IKBKB: variants seen among roughly 807,000 people sequenced by gnomAD.
IKBKB encodes the protein inhibitor of nuclear factor kappa-B kinase subunit beta.
In IKBKB, 42 loss-of-function variants were observed where a neutral mutation model predicts 113.6. That is an observed-to-expected ratio of 0.37 (90% CI 0.29 to 0.48). The LOEUF (loss-of-function observed/expected upper bound fraction) is 0.48. Among genes scored for constraint, IKBKB ranks in the 20% least tolerant of loss-of-function variants. The pLI is 0.99. For missense variants in IKBKB, 673 were observed against 939.7 expected, an observed-to-expected ratio of 0.72 and a Z score of 3.71; for synonymous variants, 296 against 361.3, an observed-to-expected ratio of 0.82 and a Z score of 2.05.
chr8:42,319,481 A>G (rs1243521685), intron 14 of IKBKB, 60 bp downstream of exon 14: 1 of 1,604,568 alleles, frequency 6.2e-7, no homozygotes, highest in African/African-American at 1.3e-5. Flanking sequence ...TTCTCTTTCT[A>G]AGGTTTCTTT....
At chr8:42,330,307 A>G in intron 21 of IKBKB, 1 of 983,560 alleles carries the variant, frequency 1.0e-6, no homozygotes, top group Non-Finnish European at 1.2e-6. Flanking sequence ...CTGCAGTCAC[A>G]AGATTTATTA....
intron 5 of IKBKB, among the ~76,000 whole-genome samples, chr8:42,293,828 T>G (rs1813157700): frequency 6.6e-6 from 1 of 152,200 alleles, no homozygotes; most frequent in South Asian, 2.1e-4. Flanking sequence ...GGCGCTGGAA[T>G]AAGTTGTCAT....
intron 5 of IKBKB, chr8:42,298,531 G>A: frequency 1.1e-6 from 1 of 945,674 alleles, no homozygotes. Context: ...TGGTTCCATT[G>A]CATGCATCCA....
chr8:42,317,625 AC>A (rs1374299533), intron 11 of IKBKB, 31 bp from the exon 12 acceptor site: 2 of 1,405,756 alleles, frequency 1.4e-6, no homozygotes, highest in Non-Finnish European at 2.0e-6. Context: ...GGTTGGATCC[AC>A]AAGATTCATT....
At chr8:42,304,895 T>C (rs1254979950) in intron 5 of IKBKB, among the ~76,000 whole-genome samples, 1 of 152,246 alleles carries the variant, frequency 6.6e-6, no homozygotes, top group African/African-American at 2.4e-5. Flanking sequence ...TTTCACATTT[T>C]GAACAAGCTT....
At chr8:42,308,451 C>T (rs1816996996) in intron 7 of IKBKB, among the ~76,000 whole-genome samples, 1 of 152,020 alleles carries the variant, frequency 6.6e-6, no homozygotes, top group Admixed American at 6.6e-5. Flanking sequence ...GTGCACACCA[C>T]CATGCCCAGC....
chr8:42,329,579 C>A, intron 21 of IKBKB: 1 of 933,856 alleles, frequency 1.1e-6, no homozygotes, highest in Non-Finnish European at 1.3e-6. Flanking sequence ...AGGCTTACAA[C>A]TACATGTATG....
rs1339471372 is a variant in IKBKB at position 42,309,045 on chromosome 8, C to G, written c.692+20C>G. On this transcript the variant is annotated intron_variant, in intron 8 of 21. Transcript: ENST00000520810. Reference sequence around the variant, plus strand: ...GCAGTGGTGAGTGGGCCCGGGGCACCTGGATGGAGGAGGGAGCCTGTCTGT... The same window carrying G: ...GCAGTGGTGAGTGGGCCCGGGGCACGTGGATGGAGGAGGGAGCCTGTCTGT... 1.2e-6 allele frequency: 2 copies of G among 1,609,990 alleles called. No homozygotes were observed. Among genetic ancestry groups the G allele is most frequent in the Non-Finnish European group, 1.7e-6 (2 of 1,177,946 alleles).
At chr8:42,303,119 A>C (rs1016604503) in intron 5 of IKBKB, among the ~76,000 whole-genome samples, 3 of 83,616 alleles carry the variant, frequency 3.6e-5, no homozygotes, top group Admixed American at 1.2e-4. Context: ...GAGAGAGAGA[A>C]TGAGAGAGAG....
Position 42,309,036 on chromosome 8 carries a change from C to G in IKBKB, c.692+11C>G, listed in dbSNP as rs762621490. The G allele has an allele frequency of 2.5e-6, 4 of 1,611,692 alleles. No homozygotes were observed. The Admixed American group carries it at 6.7e-5, about 27-fold the overall frequency. On this transcript the variant is annotated intron_variant, in intron 8 of 21. Transcript: ENST00000520810. ...GCAGCCCGTGCAGTGGTGAGTGGGC[C>G]CGGGGCACCTGGATGGAGGAGGGAG...
chr8:42,318,455 A>T (rs756224670), intron 12 of IKBKB, 97 bp from the exon 13 acceptor site: 79 of 1,383,086 alleles, frequency 5.7e-5, no homozygotes, highest in Non-Finnish European at 7.4e-5. Context: ...TAGGTACAAA[A>T]CGTGAAAGTG....
rs1214496484 is a variant in IKBKB at position 42,290,285 on chromosome 8, A to G, written c.318+12A>G. The G allele has an allele frequency of 1.3e-6, 2 of 1,580,412 alleles. No individual in the cohort carries two copies. The highest frequency in any genetic ancestry group is 1.1e-5 in the South Asian group (1 of 90,206). On this transcript the variant is annotated intron_variant, in intron 4 of 21. Transcript: ENST00000520810. The stretch of plus-strand genomic sequence containing the variant: ...GAGATCTCCGGAAGGTGAGGCTCCC[A>G]CGGCTGCCAGGTGCACAGCCTGTCT...
intron 5 of IKBKB, chr8:42,298,053 G>A (rs939161830): frequency 2.0e-6 from 2 of 982,754 alleles, no homozygotes; most frequent in Non-Finnish European, 1.2e-6. Context: ...GCCACGTAAT[G>A]TGACCCTAAA....
rs1443757982 is a variant in IKBKB, at chr8:42,272,158, C to A, written c.58C>A (p.Arg20Ser). Residue 20 changes from arginine to serine, a missense_variant, in exon 2 of 22, where the codon CGC becomes AGC. This residue lies in a region of IKBKB where 167 missense variants were observed against 301.0 expected (regional missense o/e 0.55). Coordinates refer to ENST00000520810, the MANE Select transcript of IKBKB (RefSeq NM_001556.3). The part of the protein sequence containing the change: ...QTCGAWEMKE[R>S]LGTGGFGNVI... ...ATGTGGGGCCTGGGAAATGAAAGAG[C>A]GCCTTGGGACAGGGGGATTTGGAAA... is the stretch of plus-strand genomic sequence containing the variant. 1 of 1,614,154 alleles carries A rather than the reference C, an allele frequency of 6.2e-7. No individual in the cohort carries two copies. Among genetic ancestry groups the A allele is most frequent in the African/African-American group, 1.3e-5 (1 of 75,024 alleles).
intron 5 of IKBKB, among the ~76,000 whole-genome samples, chr8:42,304,719 C>T (rs1189681836): frequency 6.6e-6 from 1 of 152,204 alleles, no homozygotes; most frequent in South Asian, 2.1e-4. Flanking sequence ...AAGGGCCCTT[C>T]CTCCTTGCCC....
At chr8:42,288,594 G>GGAGACCCCTCCCATGCAGCAGA in intron 2 of IKBKB, 40 bp from the exon 3 acceptor site, 1 of 1,532,728 alleles carries the variant, frequency 6.5e-7, no homozygotes, top group Middle Eastern at 1.8e-4. Context: ...GATTTGGCCT[G>GGAGACCCCTCCCATGCAGCAGA]CAGCTCGCTC....
At chr8:42,293,395 G>A (rs1278547444) in intron 4 of IKBKB, 48 bp from the exon 5 acceptor site, 1 of 1,607,610 alleles carries the variant, frequency 6.2e-7, no homozygotes, top group Non-Finnish European at 8.5e-7. Flanking sequence ...TGGATTTCCG[G>A]TGGTTTGTGA....
At position 42,320,829 on chromosome 8, in the gene IKBKB, G is replaced by T. The variant is rs1441651063; in HGVS notation, c.1673G>T (p.Gly558Val). The change falls in exon 16 of 22, where the codon GGA becomes GTA. Residue 558 changes from glycine (G) to valine (V), a missense_variant. Coordinates refer to ENST00000520810, the MANE Select transcript of IKBKB (RefSeq NM_001556.3). ...QRSPMGRKQG[G>V]TLDDLEEQAR... ...AGCCCCATGGGCCGGAAGCAGGGGG[G>T]AACGCTGGACGACCTGTGAGTACTG... 7 of 1,596,666 alleles carry T rather than the reference G, an allele frequency of 4.4e-6. 1 individual carries two copies. The South Asian group carries it at 7.9e-5, about 18-fold the overall frequency.
chr8:42,308,768 C>T (rs1817073223), intron 7 of IKBKB, 133 bp from the exon 8 acceptor site: 3 of 790,058 alleles, frequency 3.8e-6, no homozygotes, highest in Non-Finnish European at 6.3e-6. Context: ...GGGGTGCCCT[C>T]CTCGCCCTGC....
Sources: gnomAD v4.1 joint callset for allele counts (sites outside exome capture counted in the v4.1 genomes callset) on GRCh38, gnomAD v4.1.1 for gene constraint, gnomAD v4.1.1 regional missense constraint, MANE v1.5 for transcripts, NCBI Gene and HGNC (gene_info 2026-07-23, HGNC 2026-07-21) for gene names.